DOCK1: variants seen among roughly 807,000 people sequenced by gnomAD.
DOCK1 encodes the protein dedicator of cytokinesis 1, also known as dedicator of cytokinesis protein 1.
DOCK1 carries 138 observed loss-of-function variants against 262.7 expected under a neutral mutation model. That is an observed-to-expected ratio of 0.53 (90% CI 0.46 to 0.61). The LOEUF (loss-of-function observed/expected upper bound fraction) is 0.61, where lower values mean the gene tolerates loss of function less well. DOCK1 is among the 20% of genes least tolerant of loss of function. The pLI is 0.00. For missense variants in DOCK1, 1,908 were observed against 2,370.7 expected, an observed-to-expected ratio of 0.80 and a Z score of 4.05; for synonymous variants, 866 against 867.4, an observed-to-expected ratio of 1.00 and a Z score of 0.03.
intron 27 of DOCK1, among the ~76,000 whole-genome samples, chr10:127,189,563 C>T (rs1045999980): frequency 1.4e-4 from 22 of 152,132 alleles, no homozygotes; most frequent in African/African-American, 5.1e-4. Flanking sequence ...AAGTGCAAAA[C>T]AAATTAAATG....
At chr10:127,127,877 C>A in intron 27 of DOCK1, 113 bp downstream of exon 27, 1 of 787,220 alleles carries the variant, frequency 1.3e-6, no homozygotes, top group Non-Finnish European at 1.9e-6. Context: ...AGTTGAGATA[C>A]AGCTTGGTAT....
intron 1 of DOCK1, among the ~76,000 whole-genome samples, chr10:126,934,891 C>T (rs1237935107): frequency 6.6e-6 from 1 of 151,400 alleles, no homozygotes; most frequent in Non-Finnish European, 1.5e-5. Context: ...CCAAGGTGGG[C>T]GGGTCATGAG....
At chr10:127,193,569 G>A (rs928882650) in intron 27 of DOCK1, among the ~76,000 whole-genome samples, 7 of 152,148 alleles carry the variant, frequency 4.6e-5, no homozygotes, top group Non-Finnish European at 1.5e-5. Flanking sequence ...CCATGGCTGG[G>A]CGCAAACAAG....
intron 23 of DOCK1, among the ~76,000 whole-genome samples, chr10:127,089,472 A>G (rs1184643755): frequency 6.6e-6 from 1 of 151,436 alleles, no homozygotes; most frequent in Non-Finnish European, 1.5e-5. Flanking sequence ...TGTTCACTCC[A>G]GCCTCAATCT....
At chr10:127,185,047 G>A (rs1014222391) in intron 27 of DOCK1, among the ~76,000 whole-genome samples, 1 of 152,218 alleles carries the variant, frequency 6.6e-6, no homozygotes, top group Non-Finnish European at 1.5e-5. Context: ...GAAGTACTGA[G>A]AGTGCTCCCT....
At chr10:127,409,520 C>T in intron 42 of DOCK1, 129 bp downstream of exon 42, 1 of 970,668 alleles carries the variant, frequency 1.0e-6, no homozygotes, top group East Asian at 2.5e-5. Flanking sequence ...CTCTTTCTGT[C>T]CTCTTTGAAG....
chr10:127,045,192 T>C (rs7899021), intron 21 of DOCK1, among the ~76,000 whole-genome samples: 110,719 of 136,480 alleles, frequency 0.81, 44,958 homozygotes, highest in Admixed American at 0.87. Context: ...ATCAAGACTC[T>C]GTCTCAATAA....
chr10:127,024,205 T>C (rs1311756517), intron 14 of DOCK1, among the ~76,000 whole-genome samples: 2 of 152,190 alleles, frequency 1.3e-5, no homozygotes, highest in African/African-American at 2.4e-5. Flanking sequence ...TCTTTCTCTC[T>C]GGGTGAACTC....
chr10:126,953,429 A>G (rs1478989228), intron 1 of DOCK1, among the ~76,000 whole-genome samples: 1 of 149,008 alleles, frequency 6.7e-6, no homozygotes, highest in African/African-American at 2.5e-5. Flanking sequence ...TAGTATTGTT[A>G]TCGGTGGTGA....
chr10:127,247,009 A>T (rs2059452489), intron 27 of DOCK1, among the ~76,000 whole-genome samples: 1 of 152,194 alleles, frequency 6.6e-6, no homozygotes, highest in Admixed American at 6.5e-5. Flanking sequence ...ATTTAAAAGC[A>T]AGGAAGGCTT....
chr10:127,280,025 T>C (rs2060888729), intron 29 of DOCK1, among the ~76,000 whole-genome samples: 2 of 142,274 alleles, frequency 1.4e-5, no homozygotes. Context: ...TATATATATA[T>C]ATATATATAA....
intron 29 of DOCK1, among the ~76,000 whole-genome samples, chr10:127,262,710 C>T (rs192043299): frequency 2.6e-5 from 4 of 152,274 alleles, no homozygotes; most frequent in African/African-American, 9.6e-5. Context: ...CATCACTTTC[C>T]CTGTACATTC....
chr10:127,229,181 A>G (rs1020557178), intron 27 of DOCK1, among the ~76,000 whole-genome samples: 1 of 152,150 alleles, frequency 6.6e-6, no homozygotes, highest in African/African-American at 2.4e-5. Flanking sequence ...CCGAGATCGC[A>G]TCACTGCACT....
At chr10:126,938,276 G>A (rs36136940) in intron 1 of DOCK1, among the ~76,000 whole-genome samples, 12,140 of 152,114 alleles carry the variant, frequency 0.08, 587 homozygotes, top group African/African-American at 0.12. Context: ...TCAAACTCCC[G>A]ACCTCAGGTG....
chr10:127,343,952 C>G (rs1002502280), intron 31 of DOCK1, among the ~76,000 whole-genome samples: 1 of 152,174 alleles, frequency 6.6e-6, no homozygotes, highest in Non-Finnish European at 1.5e-5. Context: ...TGGAAGGTTC[C>G]AGGTCAGTGT....
chr10:127,393,162 A>G (rs1191396913), intron 38 of DOCK1, among the ~76,000 whole-genome samples: 31 of 152,108 alleles, frequency 2.0e-4, no homozygotes, highest in South Asian at 2.1e-4. Context: ...ATTTCATTTT[A>G]GGGGAAACAA....
At chr10:127,071,858 C>T (rs1251431056) in intron 23 of DOCK1, among the ~76,000 whole-genome samples, 1 of 152,198 alleles carries the variant, frequency 6.6e-6, no homozygotes, top group Non-Finnish European at 1.5e-5. Context: ...GATTCCTTCA[C>T]ATTGCCACTT....
At chr10:127,373,696 GC>G in intron 33 of DOCK1, 84 bp from the exon 34 acceptor site, 11 of 1,263,074 alleles carry the variant, frequency 8.7e-6, no homozygotes, top group Non-Finnish European at 4.5e-6. Context: ...GATCTCTCTT[GC>G]CGATTTATGT....
chr10:127,192,535 A>C (rs2056831845), intron 27 of DOCK1: 1 of 152,188 alleles, frequency 6.6e-6, no homozygotes, highest in East Asian at 1.9e-4. Flanking sequence ...CCCTCAACCC[A>C]TTCATTATGG....
Sources: allele counts gnomAD v4.1 joint callset (sites outside exome capture counted in the v4.1 genomes callset), GRCh38; gene constraint gnomAD v4.1.1; transcripts MANE v1.5; gene names NCBI Gene and HGNC (gene_info 2026-07-23, HGNC 2026-07-21).